RCAN1: variants seen among roughly 807,000 people sequenced by gnomAD.
The protein encoded by RCAN1 is calcipressin-1.
RCAN1 carries 11 observed loss-of-function variants against 22.9 expected under a neutral mutation model. The ratio of observed to expected loss-of-function variants is 0.48; its 90% CI spans 0.30 to 0.79. RCAN1 has a LOEUF of 0.79. RCAN1 is among the 30% of genes least tolerant of loss of function. RCAN1 has a pLI of 0.06. For synonymous variants in RCAN1, 136 were observed against 142.3 expected (o/e 0.96, Z 0.32); for missense variants, 291 against 337.8 (o/e 0.86, Z 1.09).
At chr21:34,579,009 A>T (rs1169700875) in intron 1 of RCAN1, among the ~76,000 whole-genome samples, 1 of 152,192 alleles carries the variant, frequency 6.6e-6, no homozygotes, top group Non-Finnish European at 1.5e-5. Context: ...GCCAACAAAA[A>T]AAAGGACTTG....
At chr21:34,587,962 G>T (rs1296409456) in intron 1 of RCAN1, among the ~76,000 whole-genome samples, 1 of 152,136 alleles carries the variant, frequency 6.6e-6, no homozygotes, top group East Asian at 1.9e-4. Flanking sequence ...AAGAAAGAAG[G>T]AATCTGCAGC....
In RCAN1 at chr21:34,517,931, C is replaced by T; in HGVS notation, c.*153G>A. The T allele has an allele frequency of 2.3e-6, 2 of 860,832 alleles. No individual in the cohort carries two copies. Among genetic ancestry groups the T allele is most frequent in the Non-Finnish European group, 3.6e-6 (2 of 551,422 alleles). 53.3% of individuals were successfully genotyped at this position (860,832 alleles called of 1,614,324 possible). A position where few individuals can be genotyped will look rare whatever the true frequency, so the allele number is the denominator to read the frequency against. ...GGTGTGCAGCATTAGAACAAGGGGA[C>T]ACGGCCTTGATTCTCTTCTGAGCAA... is the stretch of plus-strand genomic sequence containing the variant. On this transcript the variant is annotated 3_prime_UTR_variant, in exon 4 of 4. Transcript: ENST00000313806.
chr21:34,610,043 G>A (rs1395967756), intron 1 of RCAN1, among the ~76,000 whole-genome samples: 1 of 152,158 alleles, frequency 6.6e-6, no homozygotes, highest in African/African-American at 2.4e-5. Flanking sequence ...TCACACTAGG[G>A]TGAAAAGTGA....
chr21:34,518,102 C>A lies in RCAN1; in HGVS notation c.741G>T (p.Thr247=), dbSNP rs773678582. 5 of 1,614,038 alleles carry A rather than the reference C, an allele frequency of 3.1e-6. No homozygotes were observed. The highest frequency in any genetic ancestry group is 4.2e-6 in the Non-Finnish European group (5 of 1,180,034). ...TGCCAGTTCAGCTGAGGTGGATCGG[C>A]GTGTACTCCGGCCTCCTGGTCTGGA... ...KIIQTRRPEY[T]PIHLS is the part of the protein sequence containing the mutation. Residue 247 remains threonine, a synonymous_variant, in exon 4 of 4, where the codon ACG becomes ACT. Coordinates refer to ENST00000313806, the MANE Select transcript of RCAN1 (RefSeq NM_004414.7). This position sits in a 1 kb window ranked among gnomAD's most constrained non-coding sequence, Gnocchi z 4.2.
At chr21:34,549,174 A>T (rs1046696574) in intron 1 of RCAN1, among the ~76,000 whole-genome samples, 2 of 152,120 alleles carry the variant, frequency 1.3e-5, no homozygotes, top group African/African-American at 2.4e-5. Context: ...CGCCATGAGC[A>T]TGTGTGCTTT....
intron 3 of RCAN1, chr21:34,521,124 C>A: frequency 7.9e-7 from 1 of 1,258,852 alleles, no homozygotes; most frequent in South Asian, 3.4e-5. Flanking sequence ...TTAAAGGGGG[C>A]ATCGATTTTC....
chr21:34,556,461 G>A (rs1246688508), intron 1 of RCAN1, among the ~76,000 whole-genome samples: 2 of 103,368 alleles, frequency 1.9e-5, no homozygotes, highest in African/African-American at 3.8e-5. Flanking sequence ...AATAATAATA[G>A]GTTTAAAATA....
At chr21:34,551,570 T>C (rs1254494289) in intron 1 of RCAN1, among the ~76,000 whole-genome samples, 3 of 152,236 alleles carry the variant, frequency 2.0e-5, no homozygotes, top group South Asian at 2.1e-4. Flanking sequence ...TTGGTGATTC[T>C]GAAATACAGC....
At position 34,594,579 on chromosome 21, in the gene RCAN1, G is replaced by A. The variant is rs546113623; in HGVS notation, c.252+20181C>T. Among the ~76,000 whole-genome samples, 146 of 149,104 alleles carry A rather than the reference G, an allele frequency of 9.8e-4. 1 individual carries two copies. The highest frequency in any genetic ancestry group is 3.4e-3 in the African/African-American group (140 of 41,026). On this transcript the variant is annotated intron_variant, in intron 1 of 3. Transcript: ENST00000313806. ...ACAAGAACAACAACAACAACAAAAC[G>A]AAGGGTGGCAAGGTACCCATTTAGG...
chr21:34,614,679 T>A lies in RCAN1; in HGVS notation c.252+81A>T. On this transcript the variant is annotated intron_variant, in intron 1 of 3. Transcript: ENST00000313806. The surrounding 1 kb of genome is among the most constrained non-coding windows in gnomAD (Gnocchi z 6.0). ...TCCCCGCCCCGCGCGCGGCCGGGAC[T>A]GGGCGCTGCGACCCGCGCCGCCTCC... 8.0e-7 allele frequency: 1 copy of A among 1,246,632 alleles called. No individual in the cohort carries two copies. Among genetic ancestry groups the A allele is most frequent in the African/African-American group, 1.6e-5 (1 of 61,614 alleles). The allele number at this position is 1,246,632 out of a possible 1,614,324, so 77.2% of individuals were successfully genotyped here.
At chr21:34,533,126 A>T (rs1487465838) in intron 1 of RCAN1, among the ~76,000 whole-genome samples, 2 of 151,492 alleles carry the variant, frequency 1.3e-5, no homozygotes, top group East Asian at 3.9e-4. Context: ...ACGCCCGGCT[A>T]ATTTTTTGTA....
At chr21:34,526,717 G>C in intron 1 of RCAN1, 1 of 1,613,696 alleles carries the variant, frequency 6.2e-7, no homozygotes, top group South Asian at 1.1e-5. Context: ...CAATCAGGGA[G>C]CTAAAACTGT....
intron 1 of RCAN1, among the ~76,000 whole-genome samples, chr21:34,548,681 G>C (rs1316275849): frequency 6.6e-6 from 1 of 152,082 alleles, no homozygotes; most frequent in African/African-American, 2.4e-5. Flanking sequence ...CTTAACATAA[G>C]AAATATTATT....
chr21:34,545,977 TC>T (rs1351039406), intron 1 of RCAN1, among the ~76,000 whole-genome samples: 2 of 152,172 alleles, frequency 1.3e-5, no homozygotes, highest in African/African-American at 4.8e-5. Flanking sequence ...TTCAAACAGG[TC>T]CTAAGAAGAT....
intron 1 of RCAN1, among the ~76,000 whole-genome samples, chr21:34,612,601 G>A (rs1480049713): frequency 6.6e-6 from 1 of 152,222 alleles, no homozygotes; most frequent in Non-Finnish European, 1.5e-5. Context: ...GGACTCCACT[G>A]CAGGGGCTCC....
At chr21:34,547,851 T>G (rs2123639023) in intron 1 of RCAN1, among the ~76,000 whole-genome samples, 1 of 152,276 alleles carries the variant, frequency 6.6e-6, no homozygotes, top group South Asian at 2.1e-4. Context: ...GCAAACCAAA[T>G]AAATCTCTTT....
At chr21:34,576,763 A>G (rs1987423153) in intron 1 of RCAN1, among the ~76,000 whole-genome samples, 1 of 152,238 alleles carries the variant, frequency 6.6e-6, no homozygotes, top group Non-Finnish European at 1.5e-5. Flanking sequence ...CATCAATATT[A>G]TAACACAAAC....
chr21:34,525,293 C>T (rs747753405), intron 1 of RCAN1: 9 of 1,542,954 alleles, frequency 5.8e-6, no homozygotes, highest in South Asian at 1.2e-5. Flanking sequence ...CAACCTACGA[C>T]CTTGCTCTCC....
At chr21:34,526,809 C>CTT (rs911730986) in intron 1 of RCAN1, 2 of 1,563,570 alleles carry the variant, frequency 1.3e-6, no homozygotes, top group African/African-American at 2.7e-5. Context: ...AGTGAGATTC[C>CTT]TTTCCAAGAG....
Sources: allele counts gnomAD v4.1 joint callset (sites outside exome capture counted in the v4.1 genomes callset), GRCh38; gene constraint gnomAD v4.1.1; non-coding constraint Gnocchi (gnomAD v3.1); transcripts MANE v1.5; gene names NCBI Gene and HGNC (gene_info 2026-07-23, HGNC 2026-07-21).